The following GRIK5 variants were observed in gnomAD, a reference collection of about 807,000 sequenced individuals.
The protein encoded by GRIK5 is glutamate receptor ionotropic, kainate 5.
In GRIK5, 43 loss-of-function variants were observed where a neutral mutation model predicts 97.4. That is an observed-to-expected ratio of 0.44 (90% confidence interval 0.35 to 0.57). The LOEUF is 0.57. Ranked by LOEUF, GRIK5 falls within the 20% of genes least tolerant of loss-of-function variation. The pLI is 0.01. For synonymous variants in GRIK5, 580 were observed against 583.5 expected (o/e 0.99, Z 0.09); for missense variants, 1,015 against 1,382.0 (o/e 0.73, Z 4.21).
chr19:42,013,625 C>T (rs1321879160), intron 15 of GRIK5, among the ~76,000 whole-genome samples: 4 of 151,932 alleles, frequency 2.6e-5, no homozygotes, highest in South Asian at 2.1e-4. Flanking sequence ...TTAGCCAGGA[C>T]GGTCTCGATC....
intron 12 of GRIK5, among the ~76,000 whole-genome samples, chr19:42,029,533 G>A (rs1380234043): frequency 1.3e-5 from 2 of 151,836 alleles, no homozygotes; most frequent in Non-Finnish European, 2.9e-5. Context: ...AGCCGAGATC[G>A]CGCCACTGCA....
Position 41,999,396 on chromosome 19 carries a change from C to A in GRIK5, c.2515-97G>T. On this transcript the variant is annotated intron_variant, in intron 19 of 19. Transcript: ENST00000593562. This position sits in a 1 kb window ranked among gnomAD's most constrained non-coding sequence, Gnocchi z 5.0. ...CCACTCCTCCTCCTCCTTTCCTCGC[C>A]CGGGTCTTTCTTCCTTCTGCCCTCG... 1 of 935,380 alleles carries A rather than the reference C, an allele frequency of 1.1e-6. No homozygotes were observed. Among genetic ancestry groups the A allele is most frequent in the Non-Finnish European group, 1.5e-6 (1 of 655,776 alleles). The allele number at this position is 935,380 out of a possible 1,614,324, so 57.9% of individuals were successfully genotyped here. A position where few individuals can be genotyped will look rare whatever the true frequency, so the allele number is the denominator to read the frequency against.
chr19:42,044,568 T>C (rs947771540), intron 11 of GRIK5, among the ~76,000 whole-genome samples: 1 of 152,222 alleles, frequency 6.6e-6, no homozygotes, highest in African/African-American at 2.4e-5. Flanking sequence ...AGTTATTGTC[T>C]AAATGGTTGT....
intron 8 of GRIK5, among the ~76,000 whole-genome samples, chr19:42,056,136 C>T (rs931042653): frequency 6.6e-6 from 1 of 152,066 alleles, no homozygotes; most frequent in African/African-American, 2.4e-5. Flanking sequence ...AGGCACCTGC[C>T]ATCATGCCCA....
rs778530385 is a variant in GRIK5 at position 42,056,812 on chromosome 19, G to T, written c.753C>A (p.Ile251=). 1.2e-6 allele frequency: 2 copies of T among 1,614,178 alleles called. No individual in the cohort carries two copies. Among genetic ancestry groups the T allele is most frequent in the Admixed American group, 3.3e-5 (2 of 60,032 alleles). Reference sequence around the variant, plus strand: ...CCTCCACAATACCGTCCAGATGCAGGATGGGGAAGTCCTGGGACCAGGAAG... The same window carrying T: ...CCTCCACAATACCGTCCAGATGCAGTATGGGGAAGTCCTGGGACCAGGAAG... ...KYILTTMDFP[I]LHLDGIVEDS... Residue 251 remains isoleucine (I), a synonymous_variant, in exon 8 of 20, where the codon ATC becomes ATA. Transcript: ENST00000593562.
At chr19:42,018,149 TAAAAAAAAAAAAAA>T (rs11452086) in intron 15 of GRIK5, among the ~76,000 whole-genome samples, 1 of 62,810 alleles carries the variant, frequency 1.6e-5, no homozygotes, top group African/African-American at 7.2e-5. Context: ...CCATCTCTAC[TAAAAAAAAAAAAAA>T]AAAAAAAAAA....
At position 42,056,839 on chromosome 19, in the gene GRIK5, G is replaced by C. The variant is rs1392131384; in HGVS notation, c.742-16C>G. 1.9e-6 allele frequency: 3 copies of C among 1,614,084 alleles called. No individual in the cohort carries two copies. The highest frequency in any genetic ancestry group is 2.5e-6 in the Non-Finnish European group (3 of 1,179,940). ...TGGGGAAGTCCTGGGACCAGGAAGA[G>C]GTGGTGAGGCCTGGGGCTAAGCCCT... On this transcript the variant is annotated splice_polypyrimidine_tract_variant and intron_variant, in intron 7 of 19. Coordinates refer to ENST00000593562, the MANE Select transcript of GRIK5 (RefSeq NM_002088.5).
rs1178726642 is a variant in GRIK5 at position 42,062,542 on chromosome 19, T to C, written c.454A>G (p.Ile152Val). The C allele has an allele frequency of 6.2e-7, 1 of 1,614,132 alleles. No individual in the cohort carries two copies. The highest frequency in any genetic ancestry group is 1.1e-5 in the South Asian group (1 of 91,080). The stretch of plus-strand genomic sequence containing the variant: ...GAGGGGTAGTTGAAGGACTTGAGGA[T>C]TCGGGAGACCGCCAAGCTGACGTCC... ...NEDVSLAVSR[I>V]LKSFNYPSAS... The change falls in exon 5 of 20, where the codon ATC (isoleucine) becomes GTC (valine). Residue 152 changes from isoleucine to valine, a missense_variant. By Grantham distance (29) the Ile-to-Val change is conservative. Around this residue, in one of 5 missense-constraint regions of GRIK5, gnomAD observed 198 missense variants for 218.2 expected, o/e 0.91. Coordinates refer to ENST00000593562, the MANE Select transcript of GRIK5 (RefSeq NM_002088.5). The surrounding 1 kb of genome is among the most constrained non-coding windows in gnomAD (Gnocchi z 5.3).
chr19:42,043,581 T>C (rs2076006820), intron 11 of GRIK5, among the ~76,000 whole-genome samples: 1 of 151,818 alleles, frequency 6.6e-6, no homozygotes, highest in African/African-American at 2.4e-5. Flanking sequence ...CAATTTTGTT[T>C]TTGTATTTTT....
intron 1 of GRIK5, among the ~76,000 whole-genome samples, chr19:42,068,107 G>A (rs940193871): frequency 2.0e-5 from 3 of 152,264 alleles, no homozygotes; most frequent in Non-Finnish European, 2.9e-5. Flanking sequence ...ACAGTATGTC[G>A]GAGCTGCACG....
intron 15 of GRIK5, among the ~76,000 whole-genome samples, chr19:42,012,277 G>A (rs1568886650): frequency 6.6e-6 from 1 of 152,046 alleles, no homozygotes; most frequent in Non-Finnish European, 1.5e-5. Context: ...TGGAGACAGA[G>A]TCTCTCTCTG....
intron 3 of GRIK5, among the ~76,000 whole-genome samples, chr19:42,064,089 C>T (rs1342809850): frequency 6.6e-6 from 1 of 152,208 alleles, no homozygotes; most frequent in Non-Finnish European, 1.5e-5. Context: ...AAATTTCTCA[C>T]ATGTATCCCC....
At chr19:42,052,351 C>T in intron 11 of GRIK5, among the ~76,000 whole-genome samples, 1 of 152,076 alleles carries the variant, frequency 6.6e-6, no homozygotes, top group East Asian at 1.9e-4. Context: ...CACCACAGCA[C>T]AGAGGGTCTG....
At position 42,070,099 on chromosome 19, in the gene GRIK5, C is replaced by T. The variant is rs1038206042; in HGVS notation, c.-909G>A. ...GGCTCCAGTCCCCGGCTCCAGTCCCCGGCTGGGCCTGCCTCCCTGCCGCTG... is the reference window on the plus strand; with the variant it reads ...GGCTCCAGTCCCCGGCTCCAGTCCCTGGCTGGGCCTGCCTCCCTGCCGCTG... On this transcript the variant is annotated 5_prime_UTR_variant, in exon 1 of 20. Transcript: ENST00000593562. Among the ~76,000 whole-genome samples the T allele has an allele frequency of 6.6e-5, 10 of 152,124 alleles. No homozygotes were observed. Among genetic ancestry groups the T allele is most frequent in the African/African-American group, 1.9e-4 (8 of 41,428 alleles).
intron 11 of GRIK5, among the ~76,000 whole-genome samples, chr19:42,050,392 G>T (rs1568919932): frequency 1.3e-5 from 2 of 152,032 alleles, no homozygotes; most frequent in Non-Finnish European, 2.9e-5. Flanking sequence ...TGGCACGGTG[G>T]CTCACGCCTG....
chr19:42,036,412 G>T (rs887578848), intron 12 of GRIK5, among the ~76,000 whole-genome samples: 5 of 152,024 alleles, frequency 3.3e-5, no homozygotes, highest in Non-Finnish European at 7.4e-5. Context: ...GAGTGCAGTG[G>T]TGCAATCATG....
At chr19:42,032,236 A>C (rs2075848425) in intron 12 of GRIK5, among the ~76,000 whole-genome samples, 1 of 152,280 alleles carries the variant, frequency 6.6e-6, no homozygotes, top group African/African-American at 2.4e-5. Flanking sequence ...TGGAATTACT[A>C]CTATGCAGCC....
Position 42,003,706 on chromosome 19 carries a change from G to A in GRIK5, c.2264-23C>T. 1 of 1,593,148 alleles carries A rather than the reference G, an allele frequency of 6.3e-7. No homozygotes were observed. The highest frequency in any genetic ancestry group is 1.7e-4 in the Middle Eastern group (1 of 5,800). ...AGCCTGGGCAGGCACACGAGGGGCT[G>A]GACCAGCCATCGGGCCCTGCAGCCC... On this transcript the variant is annotated intron_variant, in intron 17 of 19. Transcript: ENST00000593562. The surrounding 1 kb of genome is among the most constrained non-coding windows in gnomAD (Gnocchi z 4.2).
rs755435637 is a variant in GRIK5, at chr19:42,065,114, G to A, written c.244+109C>T. 6 of 909,320 alleles carry A rather than the reference G, an allele frequency of 6.6e-6. No homozygotes were observed. Among genetic ancestry groups the A allele is most frequent in the South Asian group, 1.7e-5 (1 of 58,786 alleles). 56.3% of individuals were successfully genotyped at this position (909,320 alleles called of 1,614,324 possible). A position where few individuals can be genotyped will look rare whatever the true frequency, so the allele number is the denominator to read the frequency against. The stretch of plus-strand genomic sequence containing the variant: ...CAGAGACAAACACAAAGAAGGGGGA[G>A]GATGGAGCTAGAAGAGGACAAGGCC... On this transcript the variant is annotated intron_variant, in intron 3 of 19. Transcript: ENST00000593562. The surrounding 1 kb of genome is among the most constrained non-coding windows in gnomAD (Gnocchi z 5.8).
Sources: gnomAD v4.1 joint callset for allele counts (sites outside exome capture counted in the v4.1 genomes callset) on GRCh38, gnomAD v4.1.1 for gene constraint, gnomAD v4.1.1 regional missense constraint, Gnocchi (gnomAD v3.1) non-coding constraint, MANE v1.5 for transcripts, NCBI Gene and HGNC (gene_info 2026-07-23, HGNC 2026-07-21) for gene names.